SLC6A12: variants seen among roughly 807,000 people sequenced by gnomAD.
SLC6A12 encodes the protein sodium- and chloride-dependent betaine transporter.
In SLC6A12, 50 loss-of-function variants were observed where a neutral mutation model predicts 73.3. The ratio of observed to expected loss-of-function variants is 0.68; its 90% CI spans 0.54 to 0.86. The LOEUF is 0.86. Among genes scored for constraint, SLC6A12 ranks in the 40% least tolerant of loss-of-function variants. The probability of loss-of-function intolerance (pLI) is 0.00; values close to 1 mark genes in which losing one functional copy is unlikely to be tolerated. For missense variants in SLC6A12, 648 were observed against 772.8 expected (o/e 0.84, Z 1.92); for synonymous variants, 304 against 309.2 (o/e 0.98, Z 0.18).
Position 190,557 on chromosome 12 carries a change from G to C in SLC6A12, c.*511C>G, listed in dbSNP as rs1357562911. 6.6e-6 allele frequency: 1 copy of C among 152,284 alleles called. No homozygotes were observed. The highest frequency in any genetic ancestry group is 2.4e-5 in the African/African-American group (1 of 41,458). The allele number at this position is 152,284 out of a possible 1,614,324, so 9.4% of individuals were successfully genotyped here. A position where few individuals can be genotyped will look rare whatever the true frequency, so the allele number is the denominator to read the frequency against. On this transcript the variant is annotated 3_prime_UTR_variant, in exon 16 of 16. Coordinates refer to ENST00000684302, the MANE Select transcript of SLC6A12 (RefSeq NM_001122848.3). Reference sequence around the variant, plus strand: ...CCAGACTGACGGCATGCAAAGGCTTGCCTCTGTCGTTAAGCCTAAGGAAGG... The same window carrying C: ...CCAGACTGACGGCATGCAAAGGCTTCCCTCTGTCGTTAAGCCTAAGGAAGG...
At chr12:206,150 G>A (rs541133909) in intron 3 of SLC6A12, among the ~76,000 whole-genome samples, 4 of 152,056 alleles carry the variant, frequency 2.6e-5, no homozygotes, top group South Asian at 2.1e-4. Flanking sequence ...TATTCACAAC[G>A]TTGTGCCACC....
In SLC6A12 at chr12:196,186, C is replaced by T. The variant is rs765658865; in HGVS notation, c.1264G>A (p.Glu422Lys). 7.0e-6 allele frequency: 11 copies of T among 1,582,288 alleles called. No individual in the cohort carries two copies. The Admixed American group carries it at 7.5e-5, about 11-fold the overall frequency. ...ACGGCGATGGTGAGGATGAGGAGCT[C>T]GCGCCGCCCGCTCTTCCGGAGCTGC... is the stretch of plus-strand genomic sequence containing the variant. The part of the protein sequence containing the change: ...PRQLRKSGRR[E>K]LLILTIAVMC... The change falls in exon 12 of 16, where the codon GAG (glutamate) becomes AAG (lysine). Residue 422 changes from glutamate (E) to lysine (K), a missense_variant. Glu to Lys is a moderately conservative substitution (Grantham distance 56). Transcript: ENST00000684302.
Position 204,677 on chromosome 12 carries a change from A to C in SLC6A12, c.236T>G (p.Phe79Cys), listed in dbSNP as rs1940531332. ...GATGCCGCAGACAAAGAAGAAGATG[A>C]AGTAGGGGATGAAGAAGGCTCCTGC... ...NGGGAFFIPYFIFFFVCGIPV... is the reference protein window; with the variant it reads ...NGGGAFFIPYCIFFFVCGIPV... Residue 79 changes from phenylalanine (F) to cysteine (C), a missense_variant, in exon 4 of 16, where the codon TTC becomes TGC. Transcript: ENST00000684302. 5.6e-6 allele frequency: 9 copies of C among 1,614,150 alleles called. No individual in the cohort carries two copies. Among genetic ancestry groups the C allele is most frequent in the Middle Eastern group, 1.6e-4 (1 of 6,062 alleles).
chr12:195,082 A>C, intron 13 of SLC6A12, 143 bp downstream of exon 13: 1 of 662,222 alleles, frequency 1.5e-6, no homozygotes, highest in Non-Finnish European at 2.8e-6. Context: ...TAAATTTCCC[A>C]GTAAGAAGAA....
In SLC6A12 at chr12:204,610, G is replaced by T; in HGVS notation, c.303C>A (p.Ser101Arg). The change falls in exon 4 of 16, where the codon AGC becomes AGA. Residue 101 changes from serine (S) to arginine (R), a missense_variant. Coordinates refer to ENST00000684302, the MANE Select transcript of SLC6A12 (RefSeq NM_001122848.3). ...TCCTCCAGGCTGTGACACTCCCTTG[G>T]CTGGTGTATTGGCCCAACGCCACCT... ...FLEVALGQYT[S>R]QGSVTAWRKI... 1 of 1,614,196 alleles carries T rather than the reference G, an allele frequency of 6.2e-7. No homozygotes were observed. The highest frequency in any genetic ancestry group is 8.5e-7 in the Non-Finnish European group (1 of 1,179,998).
downstream of SLC6A12, among the ~76,000 whole-genome samples, chr12:188,309 C>T (rs1382882293): frequency 6.6e-6 from 1 of 152,210 alleles, no homozygotes; most frequent in Non-Finnish European, 1.5e-5. Flanking sequence ...ACAGCAGCTG[C>T]TGGCCCAGGT....
rs1940038757 is a variant in SLC6A12 at position 198,486 on chromosome 12, C to A, written c.846+311G>T. Reference sequence around the variant, plus strand: ...GGCTGAGGCGAGAGAATGCCTTGAGCCCAAGAGGTTGAGGCTGCAGTGAGC... The same window carrying A: ...GGCTGAGGCGAGAGAATGCCTTGAGACCAAGAGGTTGAGGCTGCAGTGAGC... On this transcript the variant is annotated intron_variant, in intron 8 of 15. Transcript: ENST00000684302. The surrounding 1 kb of genome is among the most constrained non-coding windows in gnomAD (Gnocchi z 4.0). Among the ~76,000 whole-genome samples the A allele has an allele frequency of 6.6e-6, 1 of 152,118 alleles. No homozygotes were observed. Among genetic ancestry groups the A allele is most frequent in the Non-Finnish European group, 1.5e-5 (1 of 68,038 alleles).
At chr12:210,406 C>T (rs1591808336) in intron 2 of SLC6A12, 1 of 1,091,548 alleles carries the variant, frequency 9.2e-7, no homozygotes, top group South Asian at 2.6e-5. Context: ...TGACCTCAGC[C>T]TAGCCTCTGG....
Position 190,921 on chromosome 12 carries a change from TG to T in SLC6A12, c.*146del. ...CTCCAGCTAGCACAAGAGAGGAGTC[TG>T]GCCTCCAGCTGGGGGTGCCTGTGGC... On this transcript the variant is annotated 3_prime_UTR_variant, in exon 16 of 16. Coordinates refer to ENST00000684302, the MANE Select transcript of SLC6A12 (RefSeq NM_001122848.3). 1 of 557,486 alleles carries T rather than the reference TG, an allele frequency of 1.8e-6. No individual in the cohort carries two copies. The highest frequency in any genetic ancestry group is 2.7e-6 in the Non-Finnish European group (1 of 371,624). The allele number at this position is 557,486 out of a possible 1,614,324, so 34.5% of individuals were successfully genotyped here.
At chr12:201,895 T>C in intron 5 of SLC6A12, 46 bp from the exon 6 acceptor site, 1 of 1,523,866 alleles carries the variant, frequency 6.6e-7, no homozygotes, top group East Asian at 2.3e-5. Context: ...GATGCTCTTA[T>C]ACCCTAGTCC....
rs1565476329 is a variant in SLC6A12 at position 204,596 on chromosome 12, G to T, written c.317C>A (p.Thr106Lys). 6 of 1,614,186 alleles carry T rather than the reference G, an allele frequency of 3.7e-6. No individual in the cohort carries two copies. Among genetic ancestry groups the T allele is most frequent in the Non-Finnish European group, 5.1e-6 (6 of 1,180,002 alleles). Residue 106 changes from threonine (T) to lysine (K), a missense_variant, in exon 4 of 16, where the codon ACA becomes AAA. Physicochemically the swap from Thr to Lys is moderately conservative, Grantham distance 78. Coordinates refer to ENST00000684302, the MANE Select transcript of SLC6A12 (RefSeq NM_001122848.3). ...GAGGGGGCAGATCTTCCTCCAGGCTGTGACACTCCCTTGGCTGGTGTATTG... is the reference window on the plus strand; with the variant it reads ...GAGGGGGCAGATCTTCCTCCAGGCTTTGACACTCCCTTGGCTGGTGTATTG... Reference protein sequence around the residue: ...LGQYTSQGSVTAWRKICPLFQ... With the variant: ...LGQYTSQGSVKAWRKICPLFQ...
At position 191,082 on chromosome 12, in the gene SLC6A12, C is replaced by G. The variant is rs147574089; in HGVS notation, c.1831G>C (p.Glu611Gln). 4.2e-4 allele frequency: 562 copies of G among 1,331,622 alleles called. 3 individuals are homozygous for G. Among genetic ancestry groups the G allele is most frequent in the Middle Eastern group, 2.4e-3 (12 of 5,046 alleles). The allele number at this position is 1,331,622 out of a possible 1,614,324, so 82.5% of individuals were successfully genotyped here. ...CTGGCCACACCCTACAAATGGGTCT[C>G]CTTCTCCCCGGCTATCAGTCCTTCC... ...TREGLIAGEK[E>Q]THL Residue 611 changes from glutamate to glutamine, a missense_variant, in exon 16 of 16, where the codon GAG becomes CAG. Physicochemically the swap from Glu to Gln is conservative, Grantham distance 29 (BLOSUM62 2). Transcript: ENST00000684302.
At chr12:195,914 C>T (rs1939836223) in intron 12 of SLC6A12, among the ~76,000 whole-genome samples, 1 of 152,200 alleles carries the variant, frequency 6.6e-6, no homozygotes, top group Non-Finnish European at 1.5e-5. Flanking sequence ...CCCCTTTCTG[C>T]TTAAGCCAGC....
chr12:189,331 C>T (rs1939503530), downstream of SLC6A12, among the ~76,000 whole-genome samples: 1 of 152,182 alleles, frequency 6.6e-6, no homozygotes, highest in Admixed American at 6.5e-5. Flanking sequence ...CAGACCCGGC[C>T]TCGTAACTGA....
chr12:189,794 G>A (rs1378662615), downstream of SLC6A12, among the ~76,000 whole-genome samples: 1 of 151,968 alleles, frequency 6.6e-6, no homozygotes, highest in African/African-American at 2.4e-5. Context: ...GTGGGAAACG[G>A]GTGGAGCCAT....
chr12:206,297 CTAT>C (rs1168553285), intron 3 of SLC6A12, among the ~76,000 whole-genome samples: 1 of 152,148 alleles, frequency 6.6e-6, no homozygotes, highest in African/African-American at 2.4e-5. Context: ...ATGCATTTGC[CTAT>C]TCTAGGTACC....
chr12:196,603 G>A (rs1183265157), intron 11 of SLC6A12, among the ~76,000 whole-genome samples, 167 bp downstream of exon 11: 2 of 152,190 alleles, frequency 1.3e-5, no homozygotes, highest in Non-Finnish European at 2.9e-5. Context: ...CTTCACCCCA[G>A]AGGGTCTCCA....
intron 7 of SLC6A12, 99 bp from the exon 8 acceptor site, chr12:199,030 C>A: frequency 8.2e-7 from 1 of 1,213,606 alleles, no homozygotes; most frequent in Non-Finnish European, 1.2e-6. Flanking sequence ...AGCTCAGTCC[C>A]AACCTCAGAG....
At chr12:202,666 C>G (rs117940488) in intron 5 of SLC6A12, 74 bp downstream of exon 5, 26 of 1,483,666 alleles carry the variant, frequency 1.8e-5, no homozygotes, top group Admixed American at 3.6e-5. Flanking sequence ...TACTCCCCGT[C>G]GTTGCTTGGA....
Sources: gnomAD v4.1 joint callset for allele counts (sites outside exome capture counted in the v4.1 genomes callset) on GRCh38, gnomAD v4.1.1 for gene constraint, Gnocchi (gnomAD v3.1) non-coding constraint, MANE v1.5 for transcripts, NCBI Gene and HGNC (gene_info 2026-07-23, HGNC 2026-07-21) for gene names.